GDF1: variants seen among roughly 807,000 people sequenced by gnomAD.
GDF1 encodes growth differentiation factor 1, also known as embryonic growth/differentiation factor 1.
In GDF1, 8 loss-of-function variants were observed where a neutral mutation model predicts 7.4. That is an observed-to-expected ratio of 1.09 (90% CI 0.64 to 1.96). GDF1 has a LOEUF of 1.96. Among genes scored for constraint, GDF1 ranks in the 30% most tolerant of loss-of-function variants. The pLI, the probability that GDF1 is intolerant of heterozygous loss-of-function variation, is 0.00. For synonymous variants in GDF1, 311 were observed against 276.7 expected, an observed-to-expected ratio of 1.12 and a Z score of -1.23; for missense variants, 574 against 551.5, an observed-to-expected ratio of 1.04 and a Z score of -0.41.
intron 4 of GDF1, among the ~76,000 whole-genome samples, 167 bp from the exon 5 acceptor site, chr19:18,879,555 C>T (rs1346738824): frequency 1.3e-5 from 2 of 151,596 alleles, no homozygotes; most frequent in Non-Finnish European, 2.9e-5. Flanking sequence ...TGCCATGCCC[C>T]GCCCACCTCG....
Position 18,868,973 on chromosome 19 carries a change from A to G in GDF1, c.743T>C (p.Leu248Pro). 2.6e-6 allele frequency: 3 copies of G among 1,147,154 alleles called. No homozygotes were observed. The highest frequency in any genetic ancestry group is 3.2e-6 in the Non-Finnish European group (3 of 934,058). The allele number at this position is 1,147,154 out of a possible 1,614,324, so 71.1% of individuals were successfully genotyped here. A position where few individuals can be genotyped will look rare whatever the true frequency, so the allele number is the denominator to read the frequency against. The stretch of plus-strand genomic sequence containing the variant: ...TTCGGCGTCGCGCCGCGGCCGGGCC[A>G]GGGGGTGGCACAGGCGCGGGTCGAG... ...VTLDPRLCHP[L>P]ARPRRDAEPV... The change falls in exon 8 of 8, where the codon CTG becomes CCG. Residue 248 changes from leucine to proline, a missense_variant. Leu to Pro is a moderately conservative substitution (Grantham distance 98, BLOSUM62 -3). Coordinates refer to ENST00000247005, the MANE Select transcript of GDF1 (RefSeq NM_001492.6).
Position 18,895,871 on chromosome 19 carries a change from G to C in GDF1, c.-1121C>G. 1 of 1,286,100 alleles carries C rather than the reference G, an allele frequency of 7.8e-7. No individual in the cohort carries two copies. The highest frequency in any genetic ancestry group is 9.8e-7 in the Non-Finnish European group (1 of 1,017,774). 79.7% of individuals were successfully genotyped at this position (1,286,100 alleles called of 1,614,324 possible). On this transcript the variant is annotated 5_prime_UTR_variant, in exon 1 of 8. Coordinates refer to ENST00000247005, the MANE Select transcript of GDF1 (RefSeq NM_001492.6). This position sits in a 1 kb window ranked among gnomAD's most constrained non-coding sequence, Gnocchi z 6.4. Reference sequence around the variant, plus strand: ...GCGGAGCGCAGGGCGGTCCAGCCCAGCGCGCCGAGCGCCAGCAGCAGCAGC... The same window carrying C: ...GCGGAGCGCAGGGCGGTCCAGCCCACCGCGCCGAGCGCCAGCAGCAGCAGC...
At chr19:18,879,409 A>C (rs751959501) in intron 4 of GDF1, 21 bp from the exon 5 acceptor site, 4 of 1,553,020 alleles carry the variant, frequency 2.6e-6, no homozygotes, top group Non-Finnish European at 3.5e-6. Flanking sequence ...AGGAGTCAGG[A>C]GGCCGTGGGT....
intron 4 of GDF1, 89 bp downstream of exon 4, chr19:18,880,185 C>A: frequency 5.1e-6 from 7 of 1,377,826 alleles, no homozygotes; most frequent in Non-Finnish European, 6.8e-6. Context: ...GGCCCCGCCT[C>A]CTTCCCTGCC....
chr19:18,887,571 C>G (rs986255255), intron 2 of GDF1, among the ~76,000 whole-genome samples: 1 of 151,896 alleles, frequency 6.6e-6, no homozygotes, highest in African/African-American at 2.4e-5. Flanking sequence ...ATGGCGAAAC[C>G]CTGTCTGTAC....
intron 7 of GDF1, 89 bp from the exon 8 acceptor site, chr19:18,869,479 C>T: frequency 1.5e-6 from 2 of 1,372,860 alleles, no homozygotes; most frequent in Non-Finnish European, 1.9e-6. Flanking sequence ...AAGGTGAACG[C>T]TGGGGCTCGG....
chr19:18,878,541 C>T lies in GDF1; in HGVS notation c.-313+389G>A. The T allele has an allele frequency of 9.7e-7, 1 of 1,032,756 alleles. No individual in the cohort carries two copies. Among genetic ancestry groups the T allele is most frequent in the Non-Finnish European group, 1.2e-6 (1 of 857,678 alleles). 64.0% of individuals were successfully genotyped at this position (1,032,756 alleles called of 1,614,324 possible). A position where few individuals can be genotyped will look rare whatever the true frequency, so the allele number is the denominator to read the frequency against. ...CTTGGCGTTCCTTCCTCCCCAGCCC[C>T]ACTGCCACCAGCTCCAGTGGCGACA... is the stretch of plus-strand genomic sequence containing the variant. On this transcript the variant is annotated intron_variant, in intron 6 of 7. Coordinates refer to ENST00000247005, the MANE Select transcript of GDF1 (RefSeq NM_001492.6). The surrounding 1 kb of genome is among the most constrained non-coding windows in gnomAD (Gnocchi z 4.6).
intron 6 of GDF1, among the ~76,000 whole-genome samples, chr19:18,876,150 A>C (rs1308438679): frequency 6.7e-6 from 1 of 150,000 alleles, no homozygotes; most frequent in Admixed American, 6.6e-5. Context: ...ATGCCTGGAT[A>C]ATTTTTCGTA....
chr19:18,893,537 G>A lies in GDF1; in HGVS notation c.-1035C>T, dbSNP rs2056549006. 4.3e-6 allele frequency: 7 copies of A among 1,610,422 alleles called. No individual in the cohort carries two copies. Among genetic ancestry groups the A allele is most frequent in the East Asian group, 4.5e-5 (2 of 44,788 alleles). On this transcript the variant is annotated 5_prime_UTR_variant, in exon 2 of 8. Transcript: ENST00000247005. The stretch of plus-strand genomic sequence containing the variant: ...TCCAAGCGCTCTCGGGCATCTTGGC[G>A]GCATCTCTGGGCTGGAGGCAGCACC...
intron 7 of GDF1, among the ~76,000 whole-genome samples, chr19:18,869,732 G>A (rs2055929669): frequency 6.6e-6 from 1 of 151,666 alleles, no homozygotes; most frequent in African/African-American, 2.4e-5. Flanking sequence ...AAGAGGTGGG[G>A]GTGGGCATGG....
In GDF1 at chr19:18,869,964, C is replaced by T; in HGVS notation, c.325+19G>A. The T allele has an allele frequency of 6.4e-7, 1 of 1,570,272 alleles. No homozygotes were observed. Among genetic ancestry groups the T allele is most frequent in the African/African-American group, 1.4e-5 (1 of 73,818 alleles). On this transcript the variant is annotated intron_variant, in intron 7 of 7. Transcript: ENST00000247005. ...GTCTGGCCTCCAGGACCAGTGTCCC[C>T]AGCGAAAGCCCCACTCACCGCGGTC... is the stretch of plus-strand genomic sequence containing the variant.
chr19:18,868,694 C>T lies in GDF1; in HGVS notation c.1022G>A (p.Arg341His), dbSNP rs1446194780. 4.5e-6 allele frequency: 7 copies of T among 1,557,398 alleles called. No individual in the cohort carries two copies. The highest frequency in any genetic ancestry group is 1.9e-5 in the Admixed American group (1 of 52,282). ...GAAGAGCACGGAGATGGGCGACAGGCGCGCGGGCACGCAGCAGGGCAGGTC... is the reference window on the plus strand; with the variant it reads ...GAAGAGCACGGAGATGGGCGACAGGTGCGCGGGCACGCAGCAGGGCAGGTC... ...AADLPCCVPA[R>H]LSPISVLFFD... The change falls in exon 8 of 8, where the codon CGC (arginine) becomes CAC (histidine). Residue 341 changes from arginine to histidine, a missense_variant. By Grantham distance (29) the Arg-to-His change is conservative. Coordinates refer to ENST00000247005, the MANE Select transcript of GDF1 (RefSeq NM_001492.6).
chr19:18,869,110 A>G lies in GDF1; in HGVS notation c.606T>C (p.Ala202=). Residue 202 remains alanine (A), a synonymous_variant, in exon 8 of 8, where the codon GCT becomes GCC. Coordinates refer to ENST00000247005, the MANE Select transcript of GDF1 (RefSeq NM_001492.6). ...GCGGCCATGAGGCGTTGCGAGCCCA[A>G]GCGGCGCCCAGCAGCTCCGCGCGCA... ...PPVRAELLGA[A]WARNASWPRS... 9.2e-7 allele frequency: 1 copy of G among 1,083,320 alleles called. No individual in the cohort carries two copies. Among genetic ancestry groups the G allele is most frequent in the African/African-American group, 1.7e-5 (1 of 58,606 alleles). The allele number at this position is 1,083,320 out of a possible 1,614,324, so 67.1% of individuals were successfully genotyped here. A position where few individuals can be genotyped will look rare whatever the true frequency, so the allele number is the denominator to read the frequency against.
chr19:18,884,001 G>T, intron 3 of GDF1, 86 bp downstream of exon 3: 1 of 1,410,202 alleles, frequency 7.1e-7, no homozygotes, highest in Non-Finnish European at 9.6e-7. Context: ...CCCCTCCACG[G>T]CCTCCTCTGT....
intron 6 of GDF1, among the ~76,000 whole-genome samples, chr19:18,872,212 T>C (rs935881392): frequency 6.6e-6 from 1 of 152,230 alleles, no homozygotes; most frequent in African/African-American, 2.4e-5. Context: ...TCCTGCTGAT[T>C]CTTGTTTGTT....
At position 18,868,590 on chromosome 19, in the gene GDF1, C is replaced by T. The variant is rs1399290945; in HGVS notation, c.*7G>A. On this transcript the variant is annotated 3_prime_UTR_variant, in exon 8 of 8. Coordinates refer to ENST00000247005, the MANE Select transcript of GDF1 (RefSeq NM_001492.6). ...ATTGTTGGGCCCGCGTCCCTGCCCG[C>T]CCCGGGTTAGCGGCAGCCGCACTCG... 1.0e-5 allele frequency: 16 copies of T among 1,550,518 alleles called. No individual in the cohort carries two copies. Among genetic ancestry groups the T allele is most frequent in the Non-Finnish European group, 1.4e-5 (16 of 1,145,498 alleles).
In GDF1 at chr19:18,878,880, C is replaced by G. The variant is rs151265092; in HGVS notation, c.-313+50G>C. ...GGGCCTGCCCACGAACACGCTTGGA[C>G]GGGTGACACTAAAGGAGGGAACGCG... On this transcript the variant is annotated intron_variant, in intron 6 of 7. Transcript: ENST00000247005. This position sits in a 1 kb window ranked among gnomAD's most constrained non-coding sequence, Gnocchi z 4.6. The G allele has an allele frequency of 6.3e-7, 1 of 1,598,444 alleles. No homozygotes were observed. The highest frequency in any genetic ancestry group is 8.5e-7 in the Non-Finnish European group (1 of 1,173,114).
intron 1 of GDF1, among the ~76,000 whole-genome samples, chr19:18,894,389 T>C (rs1017809217): frequency 6.6e-6 from 1 of 151,990 alleles, no homozygotes; most frequent in Non-Finnish European, 1.5e-5. Context: ...TGGAGCCGGC[T>C]CCGGTAACCC....
chr19:18,883,942 C>G (rs1290682356), intron 3 of GDF1, 145 bp downstream of exon 3: 1 of 805,656 alleles, frequency 1.2e-6, no homozygotes, highest in East Asian at 2.7e-5. Flanking sequence ...CTCGTCGGAC[C>G]CCTGAGCACT....
Sources: allele counts gnomAD v4.1 joint callset (sites outside exome capture counted in the v4.1 genomes callset), GRCh38; gene constraint gnomAD v4.1.1; non-coding constraint Gnocchi (gnomAD v3.1); transcripts MANE v1.5; gene names NCBI Gene and HGNC (gene_info 2026-07-23, HGNC 2026-07-21).